HBEGF: variants seen among roughly 807,000 people sequenced by gnomAD.
The protein encoded by HBEGF is proheparin-binding EGF-like growth factor.
In HBEGF, 8 loss-of-function variants were observed where a neutral mutation model predicts 19.5. The ratio of observed to expected loss-of-function variants is 0.41; its 90% CI spans 0.24 to 0.74. The LOEUF (loss-of-function observed/expected upper bound fraction) is 0.74. Ranked by LOEUF, HBEGF falls within the 30% of genes least tolerant of loss-of-function variation. HBEGF has a pLI of 0.32. For synonymous variants in HBEGF, 97 were observed against 108.9 expected (o/e 0.89, Z 0.68); for missense variants, 207 against 256.9 (o/e 0.81, Z 1.33).
rs756396352 is a variant in HBEGF, at chr5:140,336,003, C to T, written c.423G>A (p.Glu141=). 1.9e-6 allele frequency: 3 copies of T among 1,614,112 alleles called. No individual in the cohort carries two copies. Among genetic ancestry groups the T allele is most frequent in the Non-Finnish European group, 2.5e-6 (3 of 1,180,004 alleles). ...CTGGGAGGCTCAGCCCATGACACCT[C>T]TCTCCATGGTAACCCGGGTGGCAGC... is the stretch of plus-strand genomic sequence containing the variant. ...SCICHPGYHG[E]RCHGLSLPVE... is the part of the protein sequence containing the mutation. Residue 141 remains glutamate, a synonymous_variant, in exon 4 of 6, where the codon GAG becomes GAA. Coordinates refer to ENST00000230990, the MANE Select transcript of HBEGF (RefSeq NM_001945.3).
At chr5:140,338,231 T>C (rs766412498) in intron 3 of HBEGF, among the ~76,000 whole-genome samples, 4 of 152,214 alleles carry the variant, frequency 2.6e-5, no homozygotes, top group Non-Finnish European at 4.4e-5. Context: ...GAATAATAAT[T>C]AGCAATCATT....
intron 2 of HBEGF, among the ~76,000 whole-genome samples, chr5:140,345,476 G>A (rs1390698387): frequency 2.0e-5 from 3 of 152,164 alleles, no homozygotes; most frequent in Non-Finnish European, 4.4e-5. Context: ...GGCCAACACT[G>A]CACACTTTCT....
At chr5:140,338,057 A>G (rs1766254119) in intron 3 of HBEGF, among the ~76,000 whole-genome samples, 1 of 152,262 alleles carries the variant, frequency 6.6e-6, no homozygotes, top group African/African-American at 2.4e-5. Flanking sequence ...AAGACTAGGA[A>G]CAAGTCTTGG....
chr5:140,336,980 C>T (rs1325588164), intron 3 of HBEGF, among the ~76,000 whole-genome samples: 1 of 152,014 alleles, frequency 6.6e-6, no homozygotes, highest in Non-Finnish European at 1.5e-5. Flanking sequence ...AGGTGCCCGC[C>T]ACCACGCCCA....
chr5:140,342,900 G>T, intron 2 of HBEGF, 88 bp from the exon 3 acceptor site: 1 of 1,335,684 alleles, frequency 7.5e-7, no homozygotes, highest in South Asian at 1.3e-5. Context: ...TATATGCTTT[G>T]ATTCCACCTG....
At chr5:140,342,212 A>G (rs1402408421) in intron 3 of HBEGF, among the ~76,000 whole-genome samples, 2 of 152,086 alleles carry the variant, frequency 1.3e-5, no homozygotes, top group Non-Finnish European at 2.9e-5. Flanking sequence ...AAATACACAC[A>G]TACCTATACA....
At chr5:140,342,899 T>C in intron 2 of HBEGF, 87 bp from the exon 3 acceptor site, 1 of 1,345,158 alleles carries the variant, frequency 7.4e-7, no homozygotes, top group Non-Finnish European at 1.1e-6. Flanking sequence ...ATATATGCTT[T>C]GATTCCACCT....
intron 4 of HBEGF, among the ~76,000 whole-genome samples, chr5:140,335,600 C>T (rs1766216364): frequency 6.6e-6 from 1 of 152,074 alleles, no homozygotes; most frequent in African/African-American, 2.4e-5. Context: ...GACAAAGTGA[C>T]TCCATGAGTG....
chr5:140,336,359 T>C (rs1365812129), intron 3 of HBEGF, among the ~76,000 whole-genome samples: 1 of 152,204 alleles, frequency 6.6e-6, no homozygotes, highest in African/African-American at 2.4e-5. Context: ...ATTTATGACA[T>C]GTGTGTTCAG....
intron 2 of HBEGF, among the ~76,000 whole-genome samples, chr5:140,343,995 G>A (rs1477772824): frequency 5.9e-5 from 9 of 152,092 alleles, no homozygotes; most frequent in Non-Finnish European, 8.8e-5. Context: ...AAAATTAGCC[G>A]GGCGTGGTGG....
chr5:140,346,264 G>T lies in HBEGF; in HGVS notation c.46+19C>A, dbSNP rs749973107. ...GCCCCCATCCCCCCGATCTCCGGGG[G>T]CGTCGGCAGCCCTCTTACCTGCAGC... On this transcript the variant is annotated intron_variant, in intron 1 of 5. Coordinates refer to ENST00000230990, the MANE Select transcript of HBEGF (RefSeq NM_001945.3). The surrounding 1 kb of genome is among the most constrained non-coding windows in gnomAD (Gnocchi z 6.1). 2.5e-6 allele frequency: 4 copies of T among 1,598,514 alleles called. No homozygotes were observed. Among genetic ancestry groups the T allele is most frequent in the South Asian group, 2.3e-5 (2 of 88,872 alleles).
rs751995713 is a variant in HBEGF at position 140,346,080 on chromosome 5, G to C, written c.51C>G (p.Leu17=). The stretch of plus-strand genomic sequence containing the variant: ...GGCTCTCGCCAGTCACCAGTGCCGA[G>C]AGAACTGCGGGCGAGAGGCCAGGCC... ...VVLKLFLAAV[L]SALVTGESLE... The change falls in exon 2 of 6, where the codon CTC becomes CTG. Residue 17 remains leucine, a synonymous_variant. Coordinates refer to ENST00000230990, the MANE Select transcript of HBEGF (RefSeq NM_001945.3). The surrounding 1 kb of genome is among the most constrained non-coding windows in gnomAD (Gnocchi z 6.1). 6.2e-7 allele frequency: 1 copy of C among 1,611,722 alleles called. No individual in the cohort carries two copies. The highest frequency in any genetic ancestry group is 8.5e-7 in the Non-Finnish European group (1 of 1,178,856).
chr5:140,345,666 G>C (rs534106476), intron 2 of HBEGF, among the ~76,000 whole-genome samples: 1 of 152,144 alleles, frequency 6.6e-6, no homozygotes, highest in South Asian at 2.1e-4. Flanking sequence ...CAGACAACAC[G>C]TCTGATTCAA....
chr5:140,334,868 C>G, intron 4 of HBEGF, 120 bp from the exon 5 acceptor site: 1 of 809,106 alleles, frequency 1.2e-6, no homozygotes, highest in Admixed American at 1.8e-5. Flanking sequence ...AAAGCCCAGG[C>G]AGTAGGGCAG....
intron 3 of HBEGF, among the ~76,000 whole-genome samples, chr5:140,339,445 T>C (rs1766275046): frequency 2.0e-5 from 3 of 152,042 alleles, no homozygotes; most frequent in African/African-American, 7.3e-5. Context: ...TAGGCTGGAG[T>C]GCAATGGCAC....
At chr5:140,337,942 T>C (rs975007841) in intron 3 of HBEGF, among the ~76,000 whole-genome samples, 4 of 152,200 alleles carry the variant, frequency 2.6e-5, no homozygotes, top group Non-Finnish European at 1.5e-5. Flanking sequence ...CCTAACATTC[T>C]GGTAGGCAGG....
chr5:140,342,435 A>G (rs972288693), intron 3 of HBEGF, among the ~76,000 whole-genome samples, 200 bp downstream of exon 3: 3 of 152,172 alleles, frequency 2.0e-5, no homozygotes, highest in African/African-American at 4.8e-5. Context: ...TCACAAAACC[A>G]TACCACAGGA....
At position 140,334,287 on chromosome 5, in the gene HBEGF, C is replaced by T; in HGVS notation, c.*19-7G>A. On this transcript the variant is annotated splice_region_variant and splice_polypyrimidine_tract_variant and intron_variant, in intron 5 of 5. Transcript: ENST00000230990. Reference sequence around the variant, plus strand: ...AGCAGTCCCCAGCCGATTCCTAAAGCACAAAAGGAAGGCATGTAAAGCCAG... The same window carrying T: ...AGCAGTCCCCAGCCGATTCCTAAAGTACAAAAGGAAGGCATGTAAAGCCAG... 1.1e-5 allele frequency: 2 copies of T among 189,760 alleles called. No homozygotes were observed. Among genetic ancestry groups the T allele is most frequent in the East Asian group, 2.8e-4 (2 of 7,066 alleles). 11.8% of individuals were successfully genotyped at this position (189,760 alleles called of 1,614,324 possible).
chr5:140,336,103 C>T, intron 3 of HBEGF, 76 bp from the exon 4 acceptor site: 1 of 1,460,700 alleles, frequency 6.8e-7, no homozygotes, highest in Non-Finnish European at 9.4e-7. Context: ...CTGCATAAGC[C>T]AAACCCCATT....
Sources: allele counts gnomAD v4.1 joint callset (sites outside exome capture counted in the v4.1 genomes callset), GRCh38; gene constraint gnomAD v4.1.1; non-coding constraint Gnocchi (gnomAD v3.1); transcripts MANE v1.5; gene names NCBI Gene and HGNC (gene_info 2026-07-23, HGNC 2026-07-21).